SH3BP1: variants seen among roughly 807,000 people sequenced by gnomAD.
SH3BP1 encodes SH3 domain binding protein 1, also known as SH3 domain-binding protein 1.
SH3BP1 carries 46 observed loss-of-function variants against 69.8 expected under a neutral mutation model. That is an observed-to-expected ratio of 0.66 (90% CI 0.52 to 0.84). SH3BP1 has a LOEUF of 0.84. SH3BP1 is among the 40% of genes least tolerant of loss of function. The pLI, the probability that SH3BP1 is intolerant of heterozygous loss-of-function variation, is 0.00. For synonymous variants in SH3BP1, 403 were observed against 378.0 expected, an observed-to-expected ratio of 1.07 and a Z score of -0.77; for missense variants, 868 against 930.9, an observed-to-expected ratio of 0.93 and a Z score of 0.88.
Position 37,647,323 on chromosome 22 carries a change from T to C in SH3BP1, c.1093T>C (p.Tyr365His). The change falls in exon 12 of 18, where the codon TAT becomes CAT. Residue 365 changes from tyrosine to histidine, a missense_variant. Around this residue, in one of 3 missense-constraint regions of SH3BP1, gnomAD observed 474 missense variants for 462.3 expected, o/e 1.03. Transcript: ENST00000649765. ...LPEPLMTFDLYDDWMRAASLK... is the reference protein window; with the variant it reads ...LPEPLMTFDLHDDWMRAASLK... ...AGAGCCTCTGATGACCTTCGACCTC[T>C]ATGATGACTGGATGAGGGCAGCCAG... 6.2e-7 allele frequency: 1 copy of C among 1,614,008 alleles called. No homozygotes were observed. The highest frequency in any genetic ancestry group is 8.5e-7 in the Non-Finnish European group (1 of 1,179,966).
chr22:37,650,290 C>G, intron 15 of SH3BP1, 41 bp downstream of exon 15: 1 of 1,559,080 alleles, frequency 6.4e-7, no homozygotes, highest in Non-Finnish European at 8.7e-7. Flanking sequence ...TGGGTGCCCT[C>G]CTTCTGCCCT....
chr22:37,645,345 G>C lies in SH3BP1; in HGVS notation c.779-20G>C, dbSNP rs1356604731. 1.3e-6 allele frequency: 2 copies of C among 1,592,974 alleles called. No homozygotes were observed. The highest frequency in any genetic ancestry group is 1.7e-6 in the Non-Finnish European group (2 of 1,163,702). On this transcript the variant is annotated intron_variant, in intron 9 of 17. Transcript: ENST00000649765. ...CGGGGTGGGAAGGCCCTGGGCCGCTGATCTGTTTCATCCCTGCAGACCACT... is the reference window on the plus strand; with the variant it reads ...CGGGGTGGGAAGGCCCTGGGCCGCTCATCTGTTTCATCCCTGCAGACCACT...
intron 9 of SH3BP1, 164 bp downstream of exon 9, chr22:37,645,124 G>A (rs1932760339): frequency 2.4e-6 from 2 of 838,860 alleles, no homozygotes; most frequent in Non-Finnish European, 3.7e-6. Flanking sequence ...TGTGTGGAGG[G>A]TGGAGTGAAG....
In SH3BP1 at chr22:37,644,674, A is replaced by C; in HGVS notation, c.656A>C (p.Lys219Thr). ...GCTGACCTGTACCACTTTGTTACCA[A>C]GGAGGACTCCTATGCCAACTACTTC... ...YLADLYHFVT[K>T]EDSYANYFIR... Residue 219 changes from lysine (K) to threonine (T), a missense_variant, in exon 8 of 18, where the codon AAG becomes ACG. Around this residue, in one of 3 missense-constraint regions of SH3BP1, gnomAD observed 387 missense variants for 447.9 expected, o/e 0.86. Transcript: ENST00000649765. 1 of 1,614,206 alleles carries C rather than the reference A, an allele frequency of 6.2e-7. No individual in the cohort carries two copies. The highest frequency in any genetic ancestry group is 2.2e-5 in the East Asian group (1 of 44,882).
chr22:37,655,852 C>A lies in SH3BP1; in HGVS notation c.*168C>A. On this transcript the variant is annotated 3_prime_UTR_variant, in exon 18 of 18. Coordinates refer to ENST00000649765, the MANE Select transcript of SH3BP1 (RefSeq NM_018957.6). ...ATGGCCAGGAGGGCTCAGGACAATC[C>A]TCTATTTCCTGACCTTTTCCTCGTC... The A allele has an allele frequency of 6.6e-7, 1 of 1,517,554 alleles. No homozygotes were observed. Among genetic ancestry groups the A allele is most frequent in the Non-Finnish European group, 8.8e-7 (1 of 1,139,918 alleles). 94.0% of individuals were successfully genotyped at this position (1,517,554 alleles called of 1,614,324 possible).
At chr22:37,641,096 TCTCCCCC>T in intron 1 of SH3BP1, 23 bp from the exon 2 acceptor site, 6 of 1,287,342 alleles carry the variant, frequency 4.7e-6, no homozygotes, top group Non-Finnish European at 6.3e-6. Flanking sequence ...GCAGAAGCAC[TCTCCCCC>T]CCCCCCCCAC....
Position 37,655,423 on chromosome 22 carries a change from A to G in SH3BP1, c.1845A>G (p.Arg615=). The G allele has an allele frequency of 3.5e-6, 4 of 1,153,734 alleles. No homozygotes were observed. Among genetic ancestry groups the G allele is most frequent in the Non-Finnish European group, 4.6e-6 (4 of 877,428 alleles). 71.5% of individuals were successfully genotyped at this position (1,153,734 alleles called of 1,614,324 possible). A position where few individuals can be genotyped will look rare whatever the true frequency, so the allele number is the denominator to read the frequency against. Residue 615 remains arginine, a synonymous_variant, in exon 18 of 18, where the codon CGA becomes CGG. Transcript: ENST00000649765. ...LPRRLVGSSL[R]APTVPPPLPP... ...GACGTCTGGTTGGCAGCAGCCTCCG[A>G]GCCCCCACAGTGCCACCCCCGTTAC...
Position 37,655,921 on chromosome 22 carries a change from G to C in SH3BP1, c.*237G>C. 1 of 1,569,026 alleles carries C rather than the reference G, an allele frequency of 6.4e-7. No homozygotes were observed. The highest frequency in any genetic ancestry group is 1.1e-5 in the South Asian group (1 of 88,522). ...CCCCCCACCGGACTCTCCACTCTCC[G>C]GCAGGTCCTAGGGGAGCCACCGGAA... On this transcript the variant is annotated 3_prime_UTR_variant, in exon 18 of 18. Transcript: ENST00000649765.
Position 37,641,111 on chromosome 22 carries a change from C to CCCCCAA in SH3BP1, c.60-15_60-14insCCCCAA. The CCCCCAA allele has an allele frequency of 1.5e-6, 2 of 1,359,260 alleles. No individual in the cohort carries two copies. Among genetic ancestry groups the CCCCCAA allele is most frequent in the Non-Finnish European group, 2.0e-6 (2 of 995,968 alleles). The allele number at this position is 1,359,260 out of a possible 1,614,324, so 84.2% of individuals were successfully genotyped here. A position where few individuals can be genotyped will look rare whatever the true frequency, so the allele number is the denominator to read the frequency against. ...GCAGAAGCACTCTCCCCCCCCCCCC[C>CCCCCAA]ACCACTCCCCGCAGCACCCCGGAGA... On this transcript the variant is annotated splice_polypyrimidine_tract_variant and intron_variant, in intron 1 of 17. Coordinates refer to ENST00000649765, the MANE Select transcript of SH3BP1 (RefSeq NM_018957.6).
Position 37,643,164 on chromosome 22 carries a change from C to T in SH3BP1, c.463C>T (p.Leu155Phe), listed in dbSNP as rs1388728146. The T allele has an allele frequency of 6.2e-7, 1 of 1,602,088 alleles. No individual in the cohort carries two copies. The highest frequency in any genetic ancestry group is 8.5e-7 in the Non-Finnish European group (1 of 1,174,814). Reference protein sequence around the residue: ...LQKLVSDWNTLKSRLSQATKN... With the variant: ...LQKLVSDWNTFKSRLSQATKN... ...GAAGCTCGTGTCCGACTGGAACACA[C>T]TCAAGAGCAGGTGGGAGCCCCAGCC... The change falls in exon 6 of 18, where the codon CTC becomes TTC. Residue 155 changes from leucine (L) to phenylalanine (F), a missense_variant. By Grantham distance (22) the Leu-to-Phe change is conservative. This residue lies in a region of SH3BP1 where 387 missense variants were observed against 447.9 expected (regional missense o/e 0.86). Transcript: ENST00000649765.
At chr22:37,655,097 C>T (rs1375182837) in intron 17 of SH3BP1, among the ~76,000 whole-genome samples, 175 bp from the exon 18 acceptor site, 1 of 152,124 alleles carries the variant, frequency 6.6e-6, no homozygotes, top group African/African-American at 2.4e-5. Flanking sequence ...GGGAGGGCCT[C>T]CAAGGGGGCA....
chr22:37,653,532 C>T (rs942377874), intron 16 of SH3BP1, among the ~76,000 whole-genome samples: 5 of 152,150 alleles, frequency 3.3e-5, no homozygotes, highest in African/African-American at 1.2e-4. Context: ...AGGTGGGGCT[C>T]CCTCCTGGTC....
At position 37,641,614 on chromosome 22, in the gene SH3BP1, C is replaced by A. The variant is rs145930789; in HGVS notation, c.207+136C>A. On this transcript the variant is annotated intron_variant, in intron 3 of 17. Coordinates refer to ENST00000649765, the MANE Select transcript of SH3BP1 (RefSeq NM_018957.6). ...GCATGGAGACTGCTCTGTTCCAAGGCCCCTCTGGCACTGCACTCAAGAGGC... is the reference window on the plus strand; with the variant it reads ...GCATGGAGACTGCTCTGTTCCAAGGACCCTCTGGCACTGCACTCAAGAGGC... 665 of 714,298 alleles carry A rather than the reference C, an allele frequency of 9.3e-4. 6 individuals are homozygous for A. In the African/African-American group the frequency reaches 0.011, roughly 12 times the overall value. 44.2% of individuals were successfully genotyped at this position (714,298 alleles called of 1,614,324 possible).
chr22:37,643,059 C>A, intron 5 of SH3BP1, 39 bp from the exon 6 acceptor site: 7 of 1,606,828 alleles, frequency 4.4e-6, no homozygotes, highest in Non-Finnish European at 6.0e-6. Context: ...CTGGCTCCCT[C>A]CTCCCCCAGC....
At chr22:37,647,076 C>A (rs1179720933) in intron 11 of SH3BP1, 147 bp downstream of exon 11, 2 of 735,542 alleles carry the variant, frequency 2.7e-6, no homozygotes, top group African/African-American at 1.8e-5. Context: ...CCATCATGAG[C>A]CCCCCGAAAA....
In SH3BP1 at chr22:37,639,748, A is replaced by G; in HGVS notation, c.-40A>G. 7.6e-7 allele frequency: 1 copy of G among 1,307,222 alleles called. No individual in the cohort carries two copies. Among genetic ancestry groups the G allele is most frequent in the Non-Finnish European group, 1.0e-6 (1 of 971,626 alleles). 81.0% of individuals were successfully genotyped at this position (1,307,222 alleles called of 1,614,324 possible). On this transcript the variant is annotated 5_prime_UTR_variant, in exon 1 of 18. Coordinates refer to ENST00000649765, the MANE Select transcript of SH3BP1 (RefSeq NM_018957.6). The stretch of plus-strand genomic sequence containing the variant: ...GGACCGGGGGCTCCCCGGGCCCGCG[A>G]CCCCCGCCGTGACCCCGCAGCCCCC...
chr22:37,646,919 C>T lies in SH3BP1; in HGVS notation c.1026C>T (p.His342=), dbSNP rs143806638. ...TGGAGGAGTTCTGCTCCGACCCGCA[C>T]GCTGTGGCAGGTGCCTGATCCGGGG... ...HSLEEFCSDP[H]AVAGALKSYL... Residue 342 remains histidine, a synonymous_variant, in exon 11 of 18, where the codon CAC becomes CAT. Transcript: ENST00000649765. The T allele has an allele frequency of 1.0e-5, 16 of 1,545,266 alleles. No homozygotes were observed. The highest frequency in any genetic ancestry group is 5.4e-5 in the African/African-American group (4 of 73,662).
chr22:37,655,656 C>A lies in SH3BP1; in HGVS notation c.2078C>A (p.Pro693His). 6.6e-7 allele frequency: 1 copy of A among 1,525,668 alleles called. No homozygotes were observed. The highest frequency in any genetic ancestry group is 1.3e-5 in the South Asian group (1 of 77,202). The allele number at this position is 1,525,668 out of a possible 1,614,324, so 94.5% of individuals were successfully genotyped here. A position where few individuals can be genotyped will look rare whatever the true frequency, so the allele number is the denominator to read the frequency against. Residue 693 changes from proline to histidine, a missense_variant, in exon 18 of 18, where the codon CCC becomes CAC. By Grantham distance (77) the Pro-to-His change is moderately conservative (BLOSUM62 -2). Around this residue, in one of 3 missense-constraint regions of SH3BP1, gnomAD observed 474 missense variants for 462.3 expected, o/e 1.03. Transcript: ENST00000649765. ...CCAGCTATCCCCCCTCAGCCCCGCC[C>A]CAGGAGCCTTGCCTCAGAGACCAAC... ...TPPAIPPQPR[P>H]RSLASETN
chr22:37,654,206 G>C (rs1932951121), intron 17 of SH3BP1, among the ~76,000 whole-genome samples: 1 of 152,142 alleles, frequency 6.6e-6, no homozygotes, highest in Non-Finnish European at 1.5e-5. Flanking sequence ...CGTGAGTACT[G>C]GGGTACTGGA....
Sources: gnomAD v4.1 joint callset for allele counts (sites outside exome capture counted in the v4.1 genomes callset) on GRCh38, gnomAD v4.1.1 for gene constraint, gnomAD v4.1.1 regional missense constraint, MANE v1.5 for transcripts, NCBI Gene and HGNC (gene_info 2026-07-23, HGNC 2026-07-21) for gene names.